EPB41L5: variants seen among roughly 807,000 people sequenced by gnomAD.
EPB41L5 encodes band 4.1-like protein 5.
A neutral mutation model predicts 106.6 loss-of-function variants in EPB41L5; 55 were observed. The observed-to-expected ratio is 0.52, with a 90% CI of 0.42 to 0.65. The LOEUF is 0.65. Among genes scored for constraint, EPB41L5 ranks in the 30% least tolerant of loss-of-function variants. The probability of loss-of-function intolerance (pLI) is 0.00; values close to 1 mark genes in which losing one functional copy is unlikely to be tolerated. For synonymous variants in EPB41L5, 297 were observed against 306.7 expected, an observed-to-expected ratio of 0.97 and a Z score of 0.33; for missense variants, 871 against 882.1, an observed-to-expected ratio of 0.99 and a Z score of 0.16.
chr2:120,024,964 TC>T (rs1285446973), intron 2 of EPB41L5, among the ~76,000 whole-genome samples: 9 of 152,214 alleles, frequency 5.9e-5, no homozygotes, highest in African/African-American at 2.2e-4. Context: ...CCTGAAATTT[TC>T]TTTTTTTGTT....
At chr2:120,118,533 G>T (rs929688919) in intron 16 of EPB41L5, among the ~76,000 whole-genome samples, 1 of 151,916 alleles carries the variant, frequency 6.6e-6, no homozygotes, top group Non-Finnish European at 1.5e-5. Flanking sequence ...ACAGGCCCCA[G>T]TGTGTGTTGT....
intron 16 of EPB41L5, among the ~76,000 whole-genome samples, chr2:120,122,391 T>C (rs1277688843): frequency 1.3e-5 from 2 of 152,256 alleles, no homozygotes; most frequent in Non-Finnish European, 2.9e-5. Context: ...GCTTTCTACA[T>C]ATGGCTAGCC....
rs750364230 is a variant in EPB41L5, at chr2:120,077,230, G to A, written c.628G>A (p.Gly210Ser). The A allele has an allele frequency of 1.9e-6, 3 of 1,607,328 alleles. No individual in the cohort carries two copies. The highest frequency in any genetic ancestry group is 1.1e-5 in the South Asian group (1 of 89,092). ...AIFEKWKEYR[G>S]QTPAQAETNY... is the part of the protein sequence containing the mutation. ...AAAAATCATTGTTTTAAATTTCAGA[G>A]GTCAAACACCAGCACAGGCTGAAAC... Residue 210 changes from glycine (G) to serine (S), a missense_variant and splice_region_variant, in exon 9 of 25, where the codon GGT becomes AGT. Physicochemically the swap from Gly to Ser is moderately conservative, Grantham distance 56. Transcript: ENST00000263713.
At chr2:120,026,874 C>T (rs1678358679) in intron 2 of EPB41L5, among the ~76,000 whole-genome samples, 1 of 152,148 alleles carries the variant, frequency 6.6e-6, no homozygotes, top group Admixed American at 6.5e-5. Context: ...ATATAAAGAA[C>T]ACCCAATTTA....
intron 16 of EPB41L5, among the ~76,000 whole-genome samples, chr2:120,109,081 T>C (rs1051395671): frequency 1.3e-4 from 20 of 152,288 alleles, no homozygotes; most frequent in African/African-American, 3.9e-4. Context: ...GAGTACCTCA[T>C]TGGGTCTTCT....
At chr2:120,173,867 TAA>T (rs1188638434) in intron 24 of EPB41L5, among the ~76,000 whole-genome samples, 1 of 152,124 alleles carries the variant, frequency 6.6e-6, no homozygotes, top group Non-Finnish European at 1.5e-5. Context: ...GTTGTTGTTG[TAA>T]ATACGTCATC....
chr2:120,104,526 A>C, intron 16 of EPB41L5: 3 of 1,047,012 alleles, frequency 2.9e-6, no homozygotes, highest in Non-Finnish European at 3.4e-6. Flanking sequence ...ACATCACCAG[A>C]CTGTATCTCA....
intron 3 of EPB41L5, among the ~76,000 whole-genome samples, chr2:120,061,613 A>G (rs1015823767): frequency 1.3e-5 from 2 of 151,996 alleles, no homozygotes; most frequent in Admixed American, 6.6e-5. Flanking sequence ...CGGCCTCCCA[A>G]AGTGTTGGGA....
intron 10 of EPB41L5, among the ~76,000 whole-genome samples, chr2:120,082,384 G>C (rs1293869402): frequency 6.6e-6 from 1 of 152,096 alleles, no homozygotes; most frequent in Non-Finnish European, 1.5e-5. Context: ...TTTGTCATTA[G>C]TTCTGTTTAT....
chr2:120,016,072 A>AT (rs1677503556), intron 1 of EPB41L5, among the ~76,000 whole-genome samples: 8 of 152,098 alleles, frequency 5.3e-5, no homozygotes, highest in South Asian at 4.2e-4. Context: ...CACATGTGTG[A>AT]TTTTTTTTCT....
intron 18 of EPB41L5, among the ~76,000 whole-genome samples, chr2:120,138,649 T>C (rs1481591115): frequency 6.6e-6 from 1 of 151,882 alleles, no homozygotes; most frequent in Non-Finnish European, 1.5e-5. Flanking sequence ...ATTTCTGCAA[T>C]GAAAACTACA....
Position 120,072,036 on chromosome 2 carries a change from C to T in EPB41L5, c.286-1142C>T, listed in dbSNP as rs141286187. The stretch of plus-strand genomic sequence containing the variant: ...GTACAGAAAATTTTTGCAATGTATC[C>T]ATCTGGCAAAGAGCTAATATCCAGA... On this transcript the variant is annotated intron_variant, in intron 3 of 24. Coordinates refer to ENST00000263713, the MANE Select transcript of EPB41L5 (RefSeq NM_020909.4). 7.6e-3 allele frequency among the ~76,000 whole-genome samples: 1,160 copies of T among 152,200 alleles called. 16 individuals are homozygous for T. The highest frequency in any genetic ancestry group is 0.026 in the African/African-American group (1,070 of 41,518).
rs1682287409 is a variant in EPB41L5, at chr2:120,077,019, C to T, written c.554C>T (p.Ser185Leu). 2.5e-6 allele frequency: 4 copies of T among 1,612,304 alleles called. No individual in the cohort carries two copies. The highest frequency in any genetic ancestry group is 1.1e-5 in the South Asian group (1 of 90,918). ...DLAEHSPELV[S>L]EFRFVPIQTE... ...GCTGAGCATAGTCCTGAACTTGTCT[C>T]AGAGTTCAGATTCGTGCCTATTCAG... The change falls in exon 8 of 25, where the codon TCA (serine) becomes TTA (leucine). Residue 185 changes from serine (S) to leucine (L), a missense_variant. Coordinates refer to ENST00000263713, the MANE Select transcript of EPB41L5 (RefSeq NM_020909.4).
intron 14 of EPB41L5, among the ~76,000 whole-genome samples, chr2:120,098,156 T>TTGTTTTGTGTG (rs1553506370): frequency 7.5e-6 from 1 of 133,670 alleles, no homozygotes; most frequent in Non-Finnish European, 1.6e-5. Context: ...ATTGTTTGTT[T>TTGTTTTGTGTG]TGTGTGTGTG....
chr2:120,106,220 A>G (rs1684445988), intron 16 of EPB41L5: 6 of 985,224 alleles, frequency 6.1e-6, no homozygotes, highest in Non-Finnish European at 7.2e-6. Context: ...GAGAAACTGG[A>G]TTGGAGGGGT....
intron 10 of EPB41L5, among the ~76,000 whole-genome samples, chr2:120,084,165 C>T (rs1195738510): frequency 6.6e-6 from 1 of 152,048 alleles, no homozygotes; most frequent in African/African-American, 2.4e-5. Context: ...AGCTAACATG[C>T]TGTGATGTTA....
At chr2:120,165,055 CCTCT>C in intron 22 of EPB41L5, 145 bp downstream of exon 22, 5 of 595,820 alleles carry the variant, frequency 8.4e-6, no homozygotes, top group Non-Finnish European at 1.5e-5. Context: ...CTTAGCATTG[CCTCT>C]CTGTCCTAAA....
At chr2:120,068,386 G>A (rs1350662599) in intron 3 of EPB41L5, among the ~76,000 whole-genome samples, 1 of 152,220 alleles carries the variant, frequency 6.6e-6, no homozygotes, top group Admixed American at 6.5e-5. Flanking sequence ...GCTGCAGGAA[G>A]CCCAGGGGGC....
chr2:120,044,180 A>G (rs948229030), intron 3 of EPB41L5, among the ~76,000 whole-genome samples: 9 of 151,202 alleles, frequency 6.0e-5, no homozygotes, highest in African/African-American at 2.2e-4. Flanking sequence ...ATGCATATAC[A>G]TGAAAAAATT....
Sources: allele counts gnomAD v4.1 joint callset (sites outside exome capture counted in the v4.1 genomes callset), GRCh38; gene constraint gnomAD v4.1.1; transcripts MANE v1.5; gene names NCBI Gene and HGNC (gene_info 2026-07-23, HGNC 2026-07-21).